Variants in ANKRD45 observed in about 807,000 individuals in gnomAD.
ANKRD45 encodes the protein ankyrin repeat domain 45.
Under a neutral mutation model 28.1 loss-of-function variants are expected in ANKRD45, and 21 were observed. The observed-to-expected ratio is 0.75, with a 90% CI of 0.53 to 1.08. ANKRD45 has a LOEUF of 1.08. Ranked by LOEUF, ANKRD45 falls within the 50% of genes least tolerant of loss-of-function variation. The probability of loss-of-function intolerance (pLI) is 0.00; values close to 1 mark genes in which losing one functional copy is unlikely to be tolerated. For synonymous variants in ANKRD45, 86 were observed against 103.9 expected (o/e 0.83, Z 1.05); for missense variants, 261 against 308.7 (o/e 0.85, Z 1.16).
At chr1:173,697,578 G>A in the ANKRD45 span, among the ~76,000 whole-genome samples, 1 of 152,108 alleles carries the variant, frequency 6.6e-6, no homozygotes, top group Non-Finnish European at 1.5e-5. Flanking sequence ...CTTCATAAGT[G>A]AAGGAGAAAT....
chr1:173,637,703 T>C (rs1668514904), intron 3 of ANKRD45, among the ~76,000 whole-genome samples: 1 of 152,208 alleles, frequency 6.6e-6, no homozygotes, highest in Admixed American at 6.5e-5. Context: ...CCTGTCTCTT[T>C]TGTTGGTGTG....
Position 173,646,939 on chromosome 1 carries a change from C to G in ANKRD45, c.403G>C (p.Asp135His). 6.2e-7 allele frequency: 1 copy of G among 1,614,018 alleles called. No individual in the cohort carries two copies. The highest frequency in any genetic ancestry group is 8.5e-7 in the Non-Finnish European group (1 of 1,180,000). Reference protein sequence around the residue: ...TLKALVELDVDIEALNFREER... With the variant: ...TLKALVELDVHIEALNFREER... ...TCCCGGAAGTTCAAAGCTTCTATAT[C>G]AACATCCAGTTCTACCAGTGCTTTC... The change falls in exon 3 of 6, where the codon GAT becomes CAT. Residue 135 changes from aspartate (D) to histidine (H), a missense_variant. Coordinates refer to ENST00000333279, the MANE Select transcript of ANKRD45 (RefSeq NM_198493.3).
chr1:173,618,310 T>C (rs1342455398), intron 5 of ANKRD45, among the ~76,000 whole-genome samples: 1 of 152,112 alleles, frequency 6.6e-6, no homozygotes, highest in Non-Finnish European at 1.5e-5. Context: ...GAAATGACAG[T>C]AGGCTTTAGA....
rs1667849488 is a variant in ANKRD45, at chr1:173,624,727, A to C, written c.730+60T>G. On this transcript the variant is annotated intron_variant, in intron 5 of 5. Transcript: ENST00000333279. ...AAAATCAGAATATCTCAAAAATAACAACATTGAACTTAATTTTCATCCCTT... is the reference window on the plus strand; with the variant it reads ...AAAATCAGAATATCTCAAAAATAACCACATTGAACTTAATTTTCATCCCTT... The C allele has an allele frequency of 2.7e-6, 4 of 1,508,598 alleles. No homozygotes were observed. The African/African-American group carries it at 4.2e-5, about 16-fold the overall frequency. The allele number at this position is 1,508,598 out of a possible 1,614,324, so 93.5% of individuals were successfully genotyped here.
the ANKRD45 span, among the ~76,000 whole-genome samples, chr1:173,714,143 C>G: frequency 1.3e-5 from 2 of 152,148 alleles, no homozygotes; most frequent in South Asian, 2.1e-4. Flanking sequence ...AGTATACTTA[C>G]CAGGAAATCA....
chr1:173,690,386 G>A, the ANKRD45 span, among the ~76,000 whole-genome samples: 21 of 152,170 alleles, frequency 1.4e-4, no homozygotes, highest in African/African-American at 4.6e-4. Flanking sequence ...GGGATCCCAC[G>A]TGCTGGAATC....
chr1:173,704,846 C>G, the ANKRD45 span, among the ~76,000 whole-genome samples: 1 of 152,078 alleles, frequency 6.6e-6, no homozygotes. Flanking sequence ...CTTTTGGGAC[C>G]AATACTTGTG....
At chr1:173,621,182 G>C (rs1667686044) in intron 5 of ANKRD45, among the ~76,000 whole-genome samples, 2 of 151,980 alleles carry the variant, frequency 1.3e-5, no homozygotes, top group South Asian at 4.2e-4. Context: ...CAACCAAAAA[G>C]AAGCCCAGGA....
intron 3 of ANKRD45, 126 bp from the exon 4 acceptor site, chr1:173,627,285 C>T (rs1473025243): frequency 3.1e-6 from 2 of 644,790 alleles, no homozygotes; most frequent in East Asian, 2.7e-5. Context: ...ACTATCCATA[C>T]AAAAAAGCAC....
At chr1:173,624,957 C>T (rs760273770) in intron 4 of ANKRD45, 32 bp from the exon 5 acceptor site, 8 of 1,582,444 alleles carry the variant, frequency 5.1e-6, no homozygotes, top group Non-Finnish European at 6.9e-6. Context: ...TTGCTCTCCA[C>T]TTATTTATTG....
chr1:173,714,124 A>C, the ANKRD45 span, among the ~76,000 whole-genome samples: 1 of 152,332 alleles, frequency 6.6e-6, no homozygotes. Flanking sequence ...TCTGGTTAAT[A>C]CTTAGCCTAG....
At chr1:173,623,897 G>T (rs962659661) in intron 5 of ANKRD45, among the ~76,000 whole-genome samples, 1 of 146,334 alleles carries the variant, frequency 6.8e-6, no homozygotes. Flanking sequence ...CTTGTAAGTG[G>T]GAGCTGAATG....
chr1:173,628,157 G>A (rs1193054801), intron 3 of ANKRD45, among the ~76,000 whole-genome samples: 2 of 151,612 alleles, frequency 1.3e-5, no homozygotes, highest in Non-Finnish European at 2.9e-5. Flanking sequence ...GACCTTGGGT[G>A]AGACTCAGAG....
At chr1:173,614,043 G>A (rs1481109891) in intron 5 of ANKRD45, among the ~76,000 whole-genome samples, 1 of 152,120 alleles carries the variant, frequency 6.6e-6, no homozygotes, top group Non-Finnish European at 1.5e-5. Context: ...TGCAAGATGT[G>A]CTTTGTTAAA....
the ANKRD45 span, among the ~76,000 whole-genome samples, chr1:173,679,298 A>T: frequency 1.2e-4 from 19 of 152,324 alleles, no homozygotes; most frequent in East Asian, 3.5e-3. Flanking sequence ...TTCAAACTAT[A>T]CTACAAGGCT....
intron 5 of ANKRD45, among the ~76,000 whole-genome samples, chr1:173,615,354 C>T (rs1280914864): frequency 6.9e-6 from 1 of 144,650 alleles, no homozygotes; most frequent in Admixed American, 7.0e-5. Context: ...CACTGCACTC[C>T]AGCCTGGCGA....
intron 3 of ANKRD45, chr1:173,637,071 T>C (rs1668480102): frequency 1.5e-6 from 2 of 1,296,320 alleles, no homozygotes; most frequent in African/African-American, 3.0e-5. Flanking sequence ...TAGTCAATTA[T>C]AGATATCACA....
chr1:173,687,397 GTTAAT>G, the ANKRD45 span, among the ~76,000 whole-genome samples: 1 of 149,848 alleles, frequency 6.7e-6, no homozygotes, highest in Non-Finnish European at 1.5e-5. Flanking sequence ...TAAACAACCA[GTTAAT>G]TTATTTTAGG....
intron 3 of ANKRD45, among the ~76,000 whole-genome samples, chr1:173,631,030 G>A (rs1668176308): frequency 6.6e-6 from 1 of 151,782 alleles, no homozygotes; most frequent in Admixed American, 6.6e-5. Flanking sequence ...GACATAGAGT[G>A]GTTGAAGAGA....
Sources: gnomAD v4.1 joint callset for allele counts (sites outside exome capture counted in the v4.1 genomes callset) on GRCh38, gnomAD v4.1.1 for gene constraint, MANE v1.5 for transcripts, NCBI Gene and HGNC (gene_info 2026-07-23, HGNC 2026-07-21) for gene names.